The following STIM2 variants were observed in gnomAD, a reference collection of about 807,000 sequenced individuals.
STIM2 encodes the protein stromal interaction molecule 2.
In STIM2, 31 loss-of-function variants were observed where a neutral mutation model predicts 85.8. The ratio of observed to expected loss-of-function variants is 0.36; its 90% CI spans 0.27 to 0.49. STIM2 has a LOEUF of 0.49. Ranked by LOEUF, STIM2 falls within the 20% of genes least tolerant of loss-of-function variation. STIM2 has a pLI of 0.98. For missense variants in STIM2, 841 were observed against 927.6 expected (o/e 0.91, Z 1.21); for synonymous variants, 356 against 331.1 (o/e 1.08, Z -0.82).
At chr4:26,933,696 T>C (rs2109076204) in intron 2 of STIM2, among the ~76,000 whole-genome samples, 1 of 129,296 alleles carries the variant, frequency 7.7e-6, no homozygotes, top group East Asian at 2.2e-4. Context: ...GCTAAGGAGT[T>C]GGAGACTAGC....
At chr4:26,909,173 C>T (rs1328588431) in intron 1 of STIM2, among the ~76,000 whole-genome samples, 3 of 152,258 alleles carry the variant, frequency 2.0e-5, no homozygotes, top group East Asian at 1.9e-4. Context: ...CATTGAATTC[C>T]GACTGTGTCG....
chr4:26,928,830 CTT>C (rs1725091330), intron 2 of STIM2, among the ~76,000 whole-genome samples: 1 of 152,108 alleles, frequency 6.6e-6, no homozygotes, highest in South Asian at 2.1e-4. Flanking sequence ...CTAAATAAAA[CTT>C]AGGCTTAAAA....
chr4:26,967,859 G>A (rs1726784876), intron 3 of STIM2, among the ~76,000 whole-genome samples: 1 of 152,060 alleles, frequency 6.6e-6, no homozygotes, highest in Non-Finnish European at 1.5e-5. Flanking sequence ...AGAGAGGAAA[G>A]ATGAAAAGTG....
chr4:26,997,271 T>A (rs1727991696), intron 4 of STIM2, among the ~76,000 whole-genome samples: 1 of 152,214 alleles, frequency 6.6e-6, no homozygotes, highest in Admixed American at 6.5e-5. Context: ...ATTCTATAGA[T>A]AGTTGGCCTA....
chr4:26,863,856 G>T (rs964611138), intron 1 of STIM2, among the ~76,000 whole-genome samples: 7 of 152,114 alleles, frequency 4.6e-5, no homozygotes, highest in African/African-American at 9.7e-5. Context: ...TCTGCAAAAT[G>T]ACAGCCAAAA....
chr4:26,944,776 T>A (rs1725751803), intron 2 of STIM2, among the ~76,000 whole-genome samples: 1 of 152,220 alleles, frequency 6.6e-6, no homozygotes, highest in Non-Finnish European at 1.5e-5. Context: ...ACGTGAATAG[T>A]ATTTTCCCCA....
intron 1 of STIM2, among the ~76,000 whole-genome samples, chr4:26,888,678 GTCTGGGCATACCCAA>G (rs1385944867): frequency 1.3e-5 from 2 of 152,068 alleles, no homozygotes; most frequent in African/African-American, 4.8e-5. Context: ...TTCCTGAAGG[GTCTGGGCATACCCAA>G]TTTAAGTAGT....
At chr4:26,972,544 A>G (rs1227752870) in intron 3 of STIM2, among the ~76,000 whole-genome samples, 2 of 152,120 alleles carry the variant, frequency 1.3e-5, no homozygotes, top group Non-Finnish European at 2.9e-5. Flanking sequence ...GATTACGTTC[A>G]TTGATTTGCG....
rs577472825 is a variant in STIM2, at chr4:26,955,854, C to G, written c.283-1758C>G. On this transcript the variant is annotated intron_variant, in intron 2 of 11. Transcript: ENST00000467087. ...ATGCTGACACTACTCTGCTGAATGA[C>G]CACATGTTCAACAGTGTTGTTGATC... Among the ~76,000 whole-genome samples the G allele has an allele frequency of 2.0e-5, 3 of 152,220 alleles. No individual in the cohort carries two copies. The South Asian group carries it at 6.2e-4, about 32-fold the overall frequency.
At chr4:26,973,447 C>T (rs1264479337) in intron 3 of STIM2, among the ~76,000 whole-genome samples, 2 of 152,150 alleles carry the variant, frequency 1.3e-5, no homozygotes, top group Non-Finnish European at 2.9e-5. Context: ...TATCTTTGTT[C>T]TCATTGGTTT....
chr4:26,931,647 A>G (rs1725210839), intron 2 of STIM2, among the ~76,000 whole-genome samples: 1 of 152,116 alleles, frequency 6.6e-6, no homozygotes, highest in South Asian at 2.1e-4. Flanking sequence ...AATTTGTTTG[A>G]CTGAAGGATC....
intron 1 of STIM2, among the ~76,000 whole-genome samples, chr4:26,890,562 C>T (rs146267669): frequency 0.013 from 1,931 of 152,196 alleles, 33 homozygotes; most frequent in African/African-American, 0.044. Flanking sequence ...CGGTGGCTCA[C>T]GCCTGTAATC....
At chr4:27,004,966 G>T in intron 7 of STIM2, among the ~76,000 whole-genome samples, 1 of 152,260 alleles carries the variant, frequency 6.6e-6, no homozygotes, top group African/African-American at 2.4e-5. Context: ...GTGTAGAGAG[G>T]CTAGATAACT....
chr4:26,993,507 A>G lies in STIM2; in HGVS notation c.398-1872A>G, dbSNP rs192109604. Among the ~76,000 whole-genome samples, 191 of 149,846 alleles carry G rather than the reference A, an allele frequency of 1.3e-3. 1 individual carries two copies. Among genetic ancestry groups the G allele is most frequent in the Non-Finnish European group, 5.3e-4 (36 of 67,556 alleles). On this transcript the variant is annotated intron_variant, in intron 3 of 11. Coordinates refer to ENST00000467087, the MANE Select transcript of STIM2 (RefSeq NM_020860.4). ...TGGAAACCTAGCTTTGCTTGCAAGT[A>G]TGAATTCATATTTTTATGTAGCTTA...
chr4:26,894,537 C>T (rs1050646025), intron 1 of STIM2, among the ~76,000 whole-genome samples: 1 of 150,542 alleles, frequency 6.6e-6, no homozygotes, highest in African/African-American at 2.4e-5. Flanking sequence ...ATTGCAGCAC[C>T]ATTTTTTTTT....
intron 1 of STIM2, among the ~76,000 whole-genome samples, chr4:26,885,363 T>A (rs1385424272): frequency 2.0e-5 from 3 of 152,200 alleles, no homozygotes; most frequent in Non-Finnish European, 4.4e-5. Context: ...CTTCATGTCC[T>A]CTTGAAATCA....
At chr4:26,964,974 A>G (rs1036901813) in intron 3 of STIM2, among the ~76,000 whole-genome samples, 1 of 152,186 alleles carries the variant, frequency 6.6e-6, no homozygotes, top group African/African-American at 2.4e-5. Flanking sequence ...AATAGCTAGG[A>G]GGATATTTGT....
At chr4:26,940,088 C>T (rs759358466) in intron 2 of STIM2, among the ~76,000 whole-genome samples, 2 of 152,070 alleles carry the variant, frequency 1.3e-5, no homozygotes, top group East Asian at 3.9e-4. Context: ...AAGCACATGC[C>T]GTGATGTAGG....
At chr4:26,978,075 A>G (rs965335458) in intron 3 of STIM2, among the ~76,000 whole-genome samples, 6 of 152,142 alleles carry the variant, frequency 3.9e-5, no homozygotes, top group African/African-American at 1.4e-4. Context: ...CTGTAGGAGT[A>G]GAAGTAAAAG....
Sources: gnomAD v4.1 joint callset for allele counts (sites outside exome capture counted in the v4.1 genomes callset) on GRCh38, gnomAD v4.1.1 for gene constraint, MANE v1.5 for transcripts, NCBI Gene and HGNC (gene_info 2026-07-23, HGNC 2026-07-21) for gene names.